The following FNIP2 variants were observed in gnomAD, a reference collection of about 807,000 sequenced individuals.
The protein encoded by FNIP2 is folliculin interacting protein 2.
A neutral mutation model predicts 108.7 loss-of-function variants in FNIP2; 32 were observed. That is an observed-to-expected ratio of 0.29 (90% confidence interval 0.22 to 0.40). The LOEUF (loss-of-function observed/expected upper bound fraction) is 0.40. Among genes scored for constraint, FNIP2 ranks in the 10% least tolerant of loss-of-function variants. FNIP2 has a pLI of 1.00. For missense variants in FNIP2, 1,202 were observed against 1,381.6 expected, an observed-to-expected ratio of 0.87 and a Z score of 2.06; for synonymous variants, 480 against 496.7, an observed-to-expected ratio of 0.97 and a Z score of 0.45.
chr4:158,772,060 A>G (rs1775715449), intron 1 of FNIP2, among the ~76,000 whole-genome samples: 2 of 152,210 alleles, frequency 1.3e-5, no homozygotes, highest in South Asian at 2.1e-4. Flanking sequence ...CTTCTGGAGT[A>G]TTTCCTTTAG....
chr4:158,831,232 A>G (rs1224233041), intron 3 of FNIP2, among the ~76,000 whole-genome samples: 1 of 152,220 alleles, frequency 6.6e-6, no homozygotes, highest in Non-Finnish European at 1.5e-5. Context: ...AGGTAAAGTC[A>G]GGCTGTGGTA....
Position 158,867,954 on chromosome 4 carries a change from T to A in FNIP2, c.1466-148T>A. ...TTACAGTGGCAAAACTAAAACGTGGTCCTTACTAGAGAGTAGAAATCATGA... is the reference window on the plus strand; with the variant it reads ...TTACAGTGGCAAAACTAAAACGTGGACCTTACTAGAGAGTAGAAATCATGA... On this transcript the variant is annotated intron_variant, in intron 12 of 16. Coordinates refer to ENST00000264433, the MANE Select transcript of FNIP2 (RefSeq NM_020840.3). 9 of 1,151,328 alleles carry A rather than the reference T, an allele frequency of 7.8e-6. No homozygotes were observed. In the South Asian group the frequency reaches 1.3e-4, roughly 17 times the overall value. 71.3% of individuals were successfully genotyped at this position (1,151,328 alleles called of 1,614,324 possible).
chr4:158,858,230 A>G (rs1780097164), intron 8 of FNIP2, among the ~76,000 whole-genome samples: 1 of 152,208 alleles, frequency 6.6e-6, no homozygotes, highest in Non-Finnish European at 1.5e-5. Context: ...GAGAAAATGT[A>G]TCGCCAGTCT....
chr4:158,820,026 T>A (rs1777793831), intron 1 of FNIP2, among the ~76,000 whole-genome samples: 1 of 152,232 alleles, frequency 6.6e-6, no homozygotes, highest in South Asian at 2.1e-4. Context: ...TGCCAAGTAG[T>A]AGGCATACAG....
intron 14 of FNIP2, among the ~76,000 whole-genome samples, chr4:158,877,556 T>C (rs1781353774): frequency 6.6e-6 from 1 of 152,250 alleles, no homozygotes. Context: ...TATGTGATTG[T>C]TACCCCTTCT....
chr4:158,871,764 T>C (rs1029025721), intron 14 of FNIP2: 15 of 984,460 alleles, frequency 1.5e-5, no homozygotes, highest in Non-Finnish European at 1.7e-5. Context: ...TTTAATATCA[T>C]AATTTCTCTT....
Position 158,825,972 on chromosome 4 carries a change from G to A in FNIP2, c.164G>A (p.Cys55Tyr). 1 of 1,609,412 alleles carries A rather than the reference G, an allele frequency of 6.2e-7. No homozygotes were observed. Among genetic ancestry groups the A allele is most frequent in the Non-Finnish European group, 8.5e-7 (1 of 1,176,042 alleles). Reference sequence around the variant, plus strand: ...ATTCGCCTGATAGTTTACCAGGACTGTGACAGGAGAGGCAGACAAGTCTTG... The same window carrying A: ...ATTCGCCTGATAGTTTACCAGGACTATGACAGGAGAGGCAGACAAGTCTTG... ...NEIRLIVYQD[C>Y]DRRGRQVLFD... The change falls in exon 2 of 17, where the codon TGT (cysteine) becomes TAT (tyrosine). Residue 55 changes from cysteine to tyrosine, a missense_variant. Physicochemically the swap from Cys to Tyr is radical, Grantham distance 194. Around this residue, in one of 5 missense-constraint regions of FNIP2, gnomAD observed 173 missense variants for 165.9 expected, o/e 1.04. Coordinates refer to ENST00000264433, the MANE Select transcript of FNIP2 (RefSeq NM_020840.3).
At chr4:158,824,001 A>G (rs555680186) in intron 1 of FNIP2, among the ~76,000 whole-genome samples, 177 of 152,350 alleles carry the variant, frequency 1.2e-3, no homozygotes, top group South Asian at 3.9e-3. Context: ...TACAACCAGA[A>G]CTTTATATGT....
chr4:158,787,321 T>A (rs1776255489), intron 1 of FNIP2, among the ~76,000 whole-genome samples: 1 of 152,242 alleles, frequency 6.6e-6, no homozygotes, highest in Non-Finnish European at 1.5e-5. Flanking sequence ...CCCATAGTTT[T>A]CTTTTCTAAA....
At chr4:158,833,062 A>AT (rs1467260342) in intron 5 of FNIP2, among the ~76,000 whole-genome samples, 2 of 152,196 alleles carry the variant, frequency 1.3e-5, no homozygotes, top group Non-Finnish European at 2.9e-5. Context: ...TTTCTGTTGC[A>AT]TTTTATTCCT....
At chr4:158,872,743 T>TG (rs561138902) in intron 14 of FNIP2, 11,970 of 983,688 alleles carry the variant, frequency 0.012, 441 homozygotes, top group African/African-American at 0.12. Context: ...TGTTTTTTTT[T>TG]TTTTTTTTAA....
chr4:158,817,308 G>T (rs867759665), intron 1 of FNIP2, among the ~76,000 whole-genome samples: 2 of 152,176 alleles, frequency 1.3e-5, no homozygotes, highest in African/African-American at 4.8e-5. Context: ...CTGTTGATTA[G>T]AGTTGTGTTG....
chr4:158,859,586 C>G lies in FNIP2; in HGVS notation c.1068C>G (p.Ile356Met). The G allele has an allele frequency of 6.2e-7, 1 of 1,612,748 alleles. No homozygotes were observed. The highest frequency in any genetic ancestry group is 8.5e-7 in the Non-Finnish European group (1 of 1,179,202). The change falls in exon 10 of 17, where the codon ATC becomes ATG. Residue 356 changes from isoleucine (I) to methionine (M), a missense_variant. Ile to Met is a conservative substitution (Grantham distance 10). Around this residue, in one of 5 missense-constraint regions of FNIP2, gnomAD observed 878 missense variants for 990.3 expected, o/e 0.89. Transcript: ENST00000264433. ...RLKSAIEKAM[I>M]SCRKIAESSL... ...CTTTCTCTTCAATAAAGGCTATGATCTCCTGTAGGAAAATAGCAGAATCAA... is the reference window on the plus strand; with the variant it reads ...CTTTCTCTTCAATAAAGGCTATGATGTCCTGTAGGAAAATAGCAGAATCAA...
At chr4:158,857,971 A>G (rs1165239371) in intron 8 of FNIP2, among the ~76,000 whole-genome samples, 1 of 152,116 alleles carries the variant, frequency 6.6e-6, no homozygotes. Flanking sequence ...AATTAATTTA[A>G]TAGCTTTCCT....
intron 1 of FNIP2, among the ~76,000 whole-genome samples, chr4:158,805,866 C>T (rs1483780332): frequency 6.6e-6 from 1 of 152,188 alleles, no homozygotes; most frequent in Non-Finnish European, 1.5e-5. Context: ...GTCCAAGCTG[C>T]TCAACCTGTT....
At chr4:158,828,731 C>T (rs1027112196) in intron 2 of FNIP2, among the ~76,000 whole-genome samples, 10 of 152,152 alleles carry the variant, frequency 6.6e-5, no homozygotes, top group Admixed American at 2.6e-4. Flanking sequence ...TCTTTCTCCT[C>T]ATCAATGTAA....
intron 1 of FNIP2, among the ~76,000 whole-genome samples, chr4:158,785,922 C>T (rs1323197361): frequency 6.6e-6 from 1 of 152,150 alleles, no homozygotes; most frequent in Admixed American, 6.6e-5. Context: ...TCCCAGCTGA[C>T]GTCTCTCTTT....
Position 158,906,640 on chromosome 4 carries a change from T to C in FNIP2, c.*2096T>C, listed in dbSNP as rs1032880087. Reference sequence around the variant, plus strand: ...GTTGGAAAACTACAGGTGGGTCACATGTGGGGGCTGTCTCCGTGACACTCA... The same window carrying C: ...GTTGGAAAACTACAGGTGGGTCACACGTGGGGGCTGTCTCCGTGACACTCA... On this transcript the variant is annotated 3_prime_UTR_variant, in exon 17 of 17. Coordinates refer to ENST00000264433, the MANE Select transcript of FNIP2 (RefSeq NM_020840.3). 12 of 152,222 alleles carry C rather than the reference T, an allele frequency of 7.9e-5. No homozygotes were observed. Among genetic ancestry groups the C allele is most frequent in the African/African-American group, 2.9e-4 (12 of 41,454 alleles). 9.4% of individuals were successfully genotyped at this position (152,222 alleles called of 1,614,324 possible).
intron 1 of FNIP2, among the ~76,000 whole-genome samples, chr4:158,784,918 A>G (rs1002535388): frequency 6.6e-6 from 1 of 152,174 alleles, no homozygotes; most frequent in African/African-American, 2.4e-5. Context: ...TTACCAGATT[A>G]TACCTTGACA....
Sources: gnomAD v4.1 joint callset for allele counts (sites outside exome capture counted in the v4.1 genomes callset) on GRCh38, gnomAD v4.1.1 for gene constraint, gnomAD v4.1.1 regional missense constraint, MANE v1.5 for transcripts, NCBI Gene and HGNC (gene_info 2026-07-23, HGNC 2026-07-21) for gene names.